The following EVC variants were observed in gnomAD, a reference collection of about 807,000 sequenced individuals.
EVC encodes evC complex member EVC.
A neutral mutation model predicts 118.9 loss-of-function variants in EVC; 116 were observed. The observed-to-expected ratio is 0.98, with a 90% confidence interval of 0.84 to 1.14. The LOEUF (loss-of-function observed/expected upper bound fraction) is 1.14, where lower values mean the gene tolerates loss of function less well. Ranked by LOEUF, EVC falls within the 50% of genes most tolerant of loss-of-function variation. EVC has a pLI of 0.00. For missense variants in EVC, 1,401 were observed against 1,246.4 expected, an observed-to-expected ratio of 1.12 and a Z score of -1.87; for synonymous variants, 619 against 534.7, an observed-to-expected ratio of 1.16 and a Z score of -2.18.
intron 6 of EVC, 27 bp downstream of exon 6, chr4:5,741,841 T>C: frequency 7.8e-7 from 1 of 1,283,012 alleles, no homozygotes; most frequent in Non-Finnish European, 1.1e-6. Flanking sequence ...TGTTTCAAGG[T>C]AACTTAAAAA....
chr4:5,723,479 G>T (rs148547369), intron 2 of EVC, among the ~76,000 whole-genome samples: 70 of 152,036 alleles, frequency 4.6e-4, no homozygotes, highest in Non-Finnish European at 1.0e-4. Context: ...GTGAGCCACC[G>T]CGCCTGGTCC....
At chr4:5,761,480 T>C (rs1172575695) in intron 11 of EVC, among the ~76,000 whole-genome samples, 2 of 144,708 alleles carry the variant, frequency 1.4e-5, no homozygotes, top group African/African-American at 5.1e-5. Context: ...ATTTATACAT[T>C]TTCCTTTAAA....
intron 11 of EVC, among the ~76,000 whole-genome samples, chr4:5,772,129 T>A (rs1475859341): frequency 6.6e-6 from 1 of 152,054 alleles, no homozygotes; most frequent in Non-Finnish European, 1.5e-5. Context: ...ATCTCCTGAC[T>A]TCGCGATCCG....
intron 8 of EVC, among the ~76,000 whole-genome samples, chr4:5,750,618 G>C (rs1226761656): frequency 6.6e-6 from 1 of 152,150 alleles, no homozygotes; most frequent in South Asian, 2.1e-4. Context: ...CTGTGAAATG[G>C]GGGCTATGAT....
At chr4:5,816,438 C>T (rs1436312975), downstream of EVC, among the ~76,000 whole-genome samples, 3 of 152,184 alleles carry the variant, frequency 2.0e-5, no homozygotes, top group Admixed American at 6.5e-5. Flanking sequence ...GATGTGGAGG[C>T]CTCCTTAGCC....
chr4:5,718,458 C>T (rs979058026), intron 1 of EVC, among the ~76,000 whole-genome samples: 3 of 152,112 alleles, frequency 2.0e-5, no homozygotes, highest in African/African-American at 7.2e-5. Context: ...GACAGCACTT[C>T]TGCACTGTGT....
intron 17 of EVC, among the ~76,000 whole-genome samples, chr4:5,807,667 C>T (rs1012992511): frequency 6.6e-6 from 1 of 152,110 alleles, no homozygotes; most frequent in South Asian, 2.1e-4. Flanking sequence ...GGCTGCCTGC[C>T]GTATTCGGGA....
At chr4:5,822,520 CTTAATT>C in the EVC span, among the ~76,000 whole-genome samples, 1 of 151,264 alleles carries the variant, frequency 6.6e-6, no homozygotes, top group Non-Finnish European at 1.5e-5. Context: ...TGCAGAGGTT[CTTAATT>C]TTAATCTTTC....
Position 5,737,640 on chromosome 4 carries a change from G to GCTCT in EVC, c.703-4075_703-4072dup, listed in dbSNP as rs1448739859. ...GTGATGCTAAATCTACTCTGCCTGTGCTCTATAAGTGGAACAACAAAGCCT... is the reference window on the plus strand; with the variant it reads ...GTGATGCTAAATCTACTCTGCCTGTGCTCTCTCTATAAGTGGAACAACAAAGCCT... On this transcript the variant is annotated intron_variant, in intron 5 of 20. Transcript: ENST00000264956. This position sits in a 1 kb window ranked among gnomAD's most constrained non-coding sequence, Gnocchi z 5.0. 6.6e-6 allele frequency among the ~76,000 whole-genome samples: 1 copy of GCTCT among 152,174 alleles called. No individual in the cohort carries two copies. Among genetic ancestry groups the GCTCT allele is most frequent in the Non-Finnish European group, 1.5e-5 (1 of 68,036 alleles).
At chr4:5,748,373 T>C in intron 8 of EVC, 67 bp downstream of exon 8, 2 of 1,562,980 alleles carry the variant, frequency 1.3e-6, no homozygotes, top group Non-Finnish European at 1.8e-6. Flanking sequence ...TCCTGAGGCT[T>C]GACATCCTTA....
intron 19 of EVC, among the ~76,000 whole-genome samples, 184 bp from the exon 20 acceptor site, chr4:5,810,155 A>G (rs1358608149): frequency 6.6e-6 from 1 of 152,200 alleles, no homozygotes; most frequent in African/African-American, 2.4e-5. Context: ...TTGGGAGAGT[A>G]CGTCACCTTC....
At chr4:5,827,430 A>G in the EVC span, among the ~76,000 whole-genome samples, 2 of 152,082 alleles carry the variant, frequency 1.3e-5, no homozygotes, top group Non-Finnish European at 2.9e-5. Flanking sequence ...GCTACACCTT[A>G]TGGAAGCTGG....
rs2151766718 is a variant in EVC at position 5,711,392 on chromosome 4, CG to C, written c.16del (p.Ala6ArgfsTer110). 1 of 1,012,796 alleles carries C rather than the reference CG, an allele frequency of 9.9e-7. No individual in the cohort carries two copies. Among genetic ancestry groups the C allele is most frequent in the Non-Finnish European group, 1.2e-6 (1 of 850,418 alleles). 62.7% of individuals were successfully genotyped at this position (1,012,796 alleles called of 1,614,324 possible). The part of the protein sequence containing the change: MARG[G>X]AACKSDARLL... Reference sequence around the variant, plus strand: ...CCTGAGCGCCCCGGATGGCCCGCGGCGGGGCGGCCTGCAAGAGCGACGCGCG... The same window carrying C: ...CCTGAGCGCCCCGGATGGCCCGCGGCGGGCGGCCTGCAAGAGCGACGCGCG... On this transcript the variant is annotated frameshift_variant, in exon 1 of 21. Coordinates refer to ENST00000264956, the MANE Select transcript of EVC (RefSeq NM_153717.3). LOFTEE classifies it high-confidence loss of function.
chr4:5,718,215 A>C (rs1343053030), intron 1 of EVC, among the ~76,000 whole-genome samples: 1 of 152,154 alleles, frequency 6.6e-6, no homozygotes, highest in Non-Finnish European at 1.5e-5. Context: ...TGGGGGGAAA[A>C]CAGGGTTAGG....
chr4:5,720,770 G>C (rs1375622619), intron 2 of EVC, among the ~76,000 whole-genome samples: 1 of 152,164 alleles, frequency 6.6e-6, no homozygotes, highest in African/African-American at 2.4e-5. Context: ...GATGAGTCTG[G>C]AACAAGCAGA....
chr4:5,797,866 AG>A (rs1714266399), intron 14 of EVC, among the ~76,000 whole-genome samples: 5 of 152,264 alleles, frequency 3.3e-5, no homozygotes, highest in Non-Finnish European at 7.3e-5. Flanking sequence ...GGTATGGTAG[AG>A]AAGGCCTCTG....
intron 8 of EVC, among the ~76,000 whole-genome samples, chr4:5,751,470 G>A (rs1014448576): frequency 1.3e-5 from 2 of 152,236 alleles, no homozygotes; most frequent in East Asian, 1.9e-4. Flanking sequence ...TGGCACCTCC[G>A]CTTATCCTCT....
intron 11 of EVC, among the ~76,000 whole-genome samples, chr4:5,761,667 G>C (rs2152120687): frequency 6.6e-6 from 1 of 152,016 alleles, no homozygotes; most frequent in Middle Eastern, 3.4e-3. Flanking sequence ...TTCTGTACCT[G>C]GGAAGATAAG....
intron 17 of EVC, among the ~76,000 whole-genome samples, chr4:5,807,588 G>A (rs1716125519): frequency 6.6e-6 from 1 of 152,204 alleles, no homozygotes. Context: ...CATCCAGAGA[G>A]GGAGGTGGGC....
Sources: gnomAD v4.1 joint callset for allele counts (sites outside exome capture counted in the v4.1 genomes callset) on GRCh38, gnomAD v4.1.1 for gene constraint, Gnocchi (gnomAD v3.1) non-coding constraint, MANE v1.5 for transcripts, NCBI Gene and HGNC (gene_info 2026-07-23, HGNC 2026-07-21) for gene names.